Variants in FAM135A observed in about 807,000 individuals in gnomAD.
The protein encoded by FAM135A is family with sequence similarity 135 member A, also known as protein FAM135A.
Under a neutral mutation model 146.8 loss-of-function variants are expected in FAM135A, and 79 were observed. That is an observed-to-expected ratio of 0.54 (90% CI 0.45 to 0.65). The LOEUF (loss-of-function observed/expected upper bound fraction) is 0.65. FAM135A is among the 30% of genes least tolerant of loss of function. The probability of loss-of-function intolerance (pLI) is 0.00; values close to 1 mark genes in which losing one functional copy is unlikely to be tolerated. For missense variants in FAM135A, 1,623 were observed against 1,758.2 expected, an observed-to-expected ratio of 0.92 and a Z score of 1.38; for synonymous variants, 562 against 603.6, an observed-to-expected ratio of 0.93 and a Z score of 1.01.
intron 4 of FAM135A, among the ~76,000 whole-genome samples, chr6:70,436,028 A>G (rs1773045350): frequency 1.3e-5 from 2 of 152,110 alleles, no homozygotes; most frequent in South Asian, 4.1e-4. Context: ...TACTAAAAGT[A>G]CAAAAATTAG....
At chr6:70,426,253 ATAGT>A (rs1404563204) in intron 2 of FAM135A, among the ~76,000 whole-genome samples, 182 bp from the exon 3 acceptor site, 1 of 152,196 alleles carries the variant, frequency 6.6e-6, no homozygotes, top group Non-Finnish European at 1.5e-5. Context: ...TAGAGATATA[ATAGT>A]TAATATTGAT....
intron 4 of FAM135A, among the ~76,000 whole-genome samples, chr6:70,430,635 C>T (rs1771367326): frequency 6.6e-6 from 1 of 152,204 alleles, no homozygotes; most frequent in African/African-American, 2.4e-5. Context: ...TGGGATCATG[C>T]CCATCAACTT....
intron 16 of FAM135A, among the ~76,000 whole-genome samples, chr6:70,529,772 T>C (rs1257467593): frequency 1.3e-5 from 2 of 152,006 alleles, no homozygotes; most frequent in African/African-American, 2.4e-5. Context: ...GACATAAATA[T>C]ACTTAATGGG....
At chr6:70,460,635 G>A (rs11970521) in intron 5 of FAM135A, among the ~76,000 whole-genome samples, 1,999 of 152,202 alleles carry the variant, frequency 0.013, 43 homozygotes, top group African/African-American at 0.046. Context: ...AGTTACTTTG[G>A]TATTGATGTG....
At chr6:70,533,009 T>A (rs1053824927) in intron 16 of FAM135A, 151 bp from the exon 17 acceptor site, 7 of 646,246 alleles carry the variant, frequency 1.1e-5, no homozygotes, top group Non-Finnish European at 1.6e-5. Flanking sequence ...AGCTTTGACA[T>A]AAAAATTGAG....
At chr6:70,530,932 C>T (rs1252449507) in intron 16 of FAM135A, among the ~76,000 whole-genome samples, 1 of 152,086 alleles carries the variant, frequency 6.6e-6, no homozygotes, top group Non-Finnish European at 1.5e-5. Flanking sequence ...ATGTCAGTGC[C>T]TTCTTTTTTA....
At chr6:70,459,945 C>T (rs888960189) in intron 5 of FAM135A, among the ~76,000 whole-genome samples, 2 of 152,122 alleles carry the variant, frequency 1.3e-5, no homozygotes, top group Admixed American at 6.5e-5. Context: ...GCAAGAGAAT[C>T]GCTTGAACCT....
rs1198378807 is a variant in FAM135A, at chr6:70,533,756, G to T, written c.3868-1G>T. ...ATGTATGTGCTTTGCTTTCTTTTTA[G>T]AATGATACTTTTGCTGATTTTGATA... On this transcript the variant is annotated splice_acceptor_variant, in intron 17 of 21. Transcript: ENST00000418814. LOFTEE classifies it high-confidence loss of function. 2 of 1,560,796 alleles carry T rather than the reference G, an allele frequency of 1.3e-6. No homozygotes were observed. The highest frequency in any genetic ancestry group is 1.7e-6 in the Non-Finnish European group (2 of 1,150,702).
chr6:70,451,612 G>A (rs546155711), intron 4 of FAM135A, among the ~76,000 whole-genome samples: 1 of 152,180 alleles, frequency 6.6e-6, no homozygotes, highest in South Asian at 2.1e-4. Context: ...GCGATCTGAT[G>A]CTATATCCTT....
In FAM135A at chr6:70,426,431, T is replaced by TC. The variant is rs1226686306; in HGVS notation, c.-133-7dup. ...TTTGGTTTGAGATGTTACTTTTTTTTCTCATAGGGGGAACGGTGTATTTTT... is the reference window on the plus strand; with the variant it reads ...TTTGGTTTGAGATGTTACTTTTTTTTCCTCATAGGGGGAACGGTGTATTTTT... On this transcript the variant is annotated splice_polypyrimidine_tract_variant and splice_region_variant and intron_variant, in intron 2 of 21. Coordinates refer to ENST00000418814, the MANE Select transcript of FAM135A (RefSeq NM_001162529.3). The TC allele has an allele frequency of 6.6e-6, 1 of 152,200 alleles. No homozygotes were observed. The highest frequency in any genetic ancestry group is 1.5e-5 in the Non-Finnish European group (1 of 68,034). 9.4% of individuals were successfully genotyped at this position (152,200 alleles called of 1,614,324 possible).
chr6:70,414,140 G>T (rs1418087977), intron 1 of FAM135A: 10 of 673,336 alleles, frequency 1.5e-5, no homozygotes, highest in African/African-American at 2.0e-5. Flanking sequence ...TTGGGAAGCA[G>T]CGTATCTCTG....
intron 5 of FAM135A, among the ~76,000 whole-genome samples, chr6:70,464,638 ATTTCTTTC>A (rs1182833266): frequency 2.8e-5 from 4 of 143,718 alleles, no homozygotes; most frequent in East Asian, 4.0e-4. Flanking sequence ...ATTTTTTTAA[ATTTCTTTC>A]TTTCTTTCTT....
intron 8 of FAM135A, among the ~76,000 whole-genome samples, chr6:70,479,772 A>G (rs1311016365): frequency 1.3e-5 from 2 of 152,086 alleles, no homozygotes; most frequent in East Asian, 1.9e-4. Context: ...ATTTAAAACA[A>G]TTTTTATGGT....
intron 20 of FAM135A, among the ~76,000 whole-genome samples, chr6:70,554,317 G>T (rs1800414933): frequency 6.6e-6 from 1 of 152,186 alleles, no homozygotes; most frequent in Non-Finnish European, 1.5e-5. Flanking sequence ...AATAACCATT[G>T]TATTTCGGAT....
At chr6:70,527,054 C>G (rs1794905344) in intron 15 of FAM135A, among the ~76,000 whole-genome samples, 1 of 151,936 alleles carries the variant, frequency 6.6e-6, no homozygotes, top group Non-Finnish European at 1.5e-5. Context: ...GCTTAAAACC[C>G]TTTTTTCATC....
intron 4 of FAM135A, among the ~76,000 whole-genome samples, chr6:70,440,004 C>T (rs1428363819): frequency 6.6e-6 from 1 of 152,116 alleles, no homozygotes; most frequent in Non-Finnish European, 1.5e-5. Flanking sequence ...TCCTTGATAT[C>T]AAATAATCCA....
intron 20 of FAM135A, among the ~76,000 whole-genome samples, chr6:70,549,946 A>G (rs1329812545): frequency 6.6e-6 from 1 of 152,192 alleles, no homozygotes; most frequent in Non-Finnish European, 1.5e-5. Context: ...TTGTCATTTC[A>G]GCAATGTTCA....
intron 4 of FAM135A, among the ~76,000 whole-genome samples, chr6:70,430,312 G>C (rs1259272929): frequency 6.6e-6 from 1 of 151,938 alleles, no homozygotes; most frequent in Non-Finnish European, 1.5e-5. Context: ...ACTCCAGCCT[G>C]GGTAACAGAG....
chr6:70,536,452 G>T, intron 19 of FAM135A, 41 bp downstream of exon 19: 1 of 1,440,858 alleles, frequency 6.9e-7, no homozygotes, highest in East Asian at 2.6e-5. Flanking sequence ...TATGGAATAG[G>T]GAGAAAAATA....
Sources: gnomAD v4.1 joint callset for allele counts (sites outside exome capture counted in the v4.1 genomes callset) on GRCh38, gnomAD v4.1.1 for gene constraint, MANE v1.5 for transcripts, NCBI Gene and HGNC (gene_info 2026-07-23, HGNC 2026-07-21) for gene names.